ATP2B2: variants seen among roughly 807,000 people sequenced by gnomAD.
ATP2B2 encodes the protein plasma membrane calcium-transporting ATPase 2.
ATP2B2 carries 15 observed loss-of-function variants against 120.0 expected under a neutral mutation model. That is an observed-to-expected ratio of 0.12 (90% CI 0.08 to 0.19). The LOEUF is 0.19. ATP2B2 is among the 10% of genes least tolerant of loss of function. ATP2B2 has a pLI of 1.00. For synonymous variants in ATP2B2, 694 were observed against 700.3 expected, an observed-to-expected ratio of 0.99 and a Z score of 0.14; for missense variants, 1,045 against 1,719.8, an observed-to-expected ratio of 0.61 and a Z score of 6.94.
At chr3:10,706,669 GT>G (rs2071901041) in intron 1 of ATP2B2, among the ~76,000 whole-genome samples, 1 of 152,156 alleles carries the variant, frequency 6.6e-6, no homozygotes, top group Non-Finnish European at 1.5e-5. Flanking sequence ...TAGCCAAAAT[GT>G]TTTGGATACA....
At chr3:10,622,710 G>A (rs973173275) in intron 1 of ATP2B2, among the ~76,000 whole-genome samples, 1 of 152,234 alleles carries the variant, frequency 6.6e-6, no homozygotes, top group Admixed American at 6.5e-5. Flanking sequence ...CTGAGATGGG[G>A]CTGAGCTCAG....
intron 1 of ATP2B2, among the ~76,000 whole-genome samples, chr3:10,707,560 G>T (rs1054032673): frequency 6.6e-6 from 1 of 152,204 alleles, no homozygotes; most frequent in Admixed American, 6.5e-5. Flanking sequence ...AGAAATAGGG[G>T]GTTCTAGCGT....
intron 8 of ATP2B2, 31 bp from the exon 9 acceptor site, chr3:10,379,315 G>A: frequency 6.2e-7 from 1 of 1,611,460 alleles, no homozygotes; most frequent in Non-Finnish European, 8.5e-7. Flanking sequence ...ACAGACAACA[G>A]AGAACAGACA....
intron 2 of ATP2B2, among the ~76,000 whole-genome samples, chr3:10,588,011 C>T (rs950959919): frequency 6.6e-5 from 10 of 152,194 alleles, no homozygotes; most frequent in South Asian, 2.1e-4. Context: ...GCAATTTCCC[C>T]GTGCCACTAG....
intron 2 of ATP2B2, among the ~76,000 whole-genome samples, chr3:10,595,363 G>A (rs1453484776): frequency 6.6e-6 from 1 of 152,188 alleles, no homozygotes; most frequent in Non-Finnish European, 1.5e-5. Flanking sequence ...GCAATCTAAG[G>A]TCCTAATTAG....
In ATP2B2 at chr3:10,488,565, G is replaced by A. The variant is rs77208465; in HGVS notation, c.-320+16900C>T. On this transcript the variant is annotated intron_variant, in intron 1 of 22. Coordinates refer to ENST00000360273, the MANE Select transcript of ATP2B2 (RefSeq NM_001001331.4). ...TTCCTTCCTTTCCTTCCTTCCTTCC[G>A]TGGTTCAATATTTACTGTGTGCTTA... Among the ~76,000 whole-genome samples the A allele has an allele frequency of 0.011, 1,511 of 131,886 alleles. 61 individuals are homozygous for A. In the East Asian group the frequency reaches 0.12, roughly 11 times the overall value. 86.5% of individuals were successfully genotyped at this position (131,886 alleles called of 152,430 possible).
intron 1 of ATP2B2, among the ~76,000 whole-genome samples, chr3:10,456,592 T>G (rs1222091719): frequency 6.6e-6 from 1 of 152,204 alleles, no homozygotes; most frequent in East Asian, 1.9e-4. Context: ...TATGAAAATT[T>G]AACTTACTCC....
At chr3:10,618,679 TC>T (rs1468686953) in intron 2 of ATP2B2, among the ~76,000 whole-genome samples, 2 of 152,122 alleles carry the variant, frequency 1.3e-5, no homozygotes, top group Non-Finnish European at 2.9e-5. Context: ...CCTGCTGTCT[TC>T]TGGGGCCAAT....
intron 3 of ATP2B2, among the ~76,000 whole-genome samples, chr3:10,532,008 AC>A (rs1453172264): frequency 6.6e-6 from 1 of 150,452 alleles, no homozygotes; most frequent in African/African-American, 2.5e-5. Context: ...GGCACCCCCA[AC>A]CTAGAACTGT....
intron 2 of ATP2B2, among the ~76,000 whole-genome samples, chr3:10,569,220 C>T (rs187580986): frequency 1.8e-4 from 27 of 152,306 alleles, no homozygotes; most frequent in Middle Eastern, 3.4e-3. Context: ...TAAAAACAAT[C>T]GCTCCTCTTT....
intron 1 of ATP2B2, among the ~76,000 whole-genome samples, chr3:10,474,909 T>C (rs11918267): frequency 6.6e-6 from 1 of 152,200 alleles, no homozygotes; most frequent in African/African-American, 2.4e-5. Context: ...GACCTGTCTC[T>C]GTGTCCCTGG....
intron 2 of ATP2B2, among the ~76,000 whole-genome samples, chr3:10,569,064 CTT>C (rs1483214057): frequency 4.6e-5 from 7 of 152,190 alleles, no homozygotes; most frequent in Non-Finnish European, 1.0e-4. Flanking sequence ...TCGCTGTTCA[CTT>C]TTTCCAGATG....
Position 10,449,375 on chromosome 3 carries a change from A to C in ATP2B2, c.169T>G (p.Cys57Gly), listed in dbSNP as rs766159464. Reference sequence around the variant, plus strand: ...ACAGGTGAGGTTTTGAGGCGCCGGCAGATGGCTTCGGTGTCCCCATAAGTC... The same window carrying C: ...ACAGGTGAGGTTTTGAGGCGCCGGCCGATGGCTTCGGTGTCCCCATAAGTC... ...KETYGDTEAICRRLKTSPVEG... is the reference protein window; with the variant it reads ...KETYGDTEAIGRRLKTSPVEG... Residue 57 changes from cysteine to glycine, a missense_variant, in exon 2 of 23, where the codon TGC becomes GGC. Physicochemically the swap from Cys to Gly is radical, Grantham distance 159. This residue lies in a region of ATP2B2 where 139 missense variants were observed against 134.2 expected (regional missense o/e 1.04). Coordinates refer to ENST00000360273, the MANE Select transcript of ATP2B2 (RefSeq NM_001001331.4). 11 of 1,614,142 alleles carry C rather than the reference A, an allele frequency of 6.8e-6. No homozygotes were observed. The South Asian group carries it at 1.2e-4, about 18-fold the overall frequency.
At chr3:10,591,313 C>T (rs192315799) in intron 2 of ATP2B2, among the ~76,000 whole-genome samples, 1 of 152,220 alleles carries the variant, frequency 6.6e-6, no homozygotes, top group East Asian at 1.9e-4. Context: ...GTGGACTTGC[C>T]CTCATCAATC....
At chr3:10,481,719 A>G (rs1336475457) in intron 1 of ATP2B2, among the ~76,000 whole-genome samples, 1 of 152,050 alleles carries the variant, frequency 6.6e-6, no homozygotes, top group Non-Finnish European at 1.5e-5. Flanking sequence ...ACGCCCAGCT[A>G]ATTTTTGTAT....
intron 1 of ATP2B2, among the ~76,000 whole-genome samples, chr3:10,621,348 G>T (rs1236621815): frequency 6.6e-6 from 1 of 152,220 alleles, no homozygotes; most frequent in African/African-American, 2.4e-5. Flanking sequence ...AGCAGTCACG[G>T]GGCCAGCTTG....
At chr3:10,570,012 C>T (rs4518106) in intron 2 of ATP2B2, 1 of 152,170 alleles carries the variant, frequency 6.6e-6, no homozygotes, top group East Asian at 1.9e-4. Flanking sequence ...TAAAATCCAG[C>T]CCGGCCCACC....
rs2062761971 is a variant in ATP2B2, at chr3:10,415,831, G to A, written c.200-5016C>T. On this transcript the variant is annotated intron_variant, in intron 2 of 22. Coordinates refer to ENST00000360273, the MANE Select transcript of ATP2B2 (RefSeq NM_001001331.4). ...GAAAATTCAGAAACACAAATGTCCAGACAGATGCTATGTGGGGTTGTAGGC... is the reference window on the plus strand; with the variant it reads ...GAAAATTCAGAAACACAAATGTCCAAACAGATGCTATGTGGGGTTGTAGGC... Among the ~76,000 whole-genome samples the A allele has an allele frequency of 2.6e-5, 4 of 152,340 alleles. No individual in the cohort carries two copies. The South Asian group carries it at 8.3e-4, about 32-fold the overall frequency.
intron 1 of ATP2B2, among the ~76,000 whole-genome samples, chr3:10,482,395 C>T (rs2065450687): frequency 6.6e-6 from 1 of 152,368 alleles, no homozygotes; most frequent in South Asian, 2.1e-4. Flanking sequence ...ACTGTCTGCT[C>T]TACTCAGCCA....
Sources: allele counts gnomAD v4.1 joint callset (sites outside exome capture counted in the v4.1 genomes callset), GRCh38; gene constraint gnomAD v4.1.1; regional missense constraint gnomAD v4.1.1; transcripts MANE v1.5; gene names NCBI Gene and HGNC (gene_info 2026-07-23, HGNC 2026-07-21).